TTC23L: variants seen among roughly 807,000 people sequenced by gnomAD.
TTC23L encodes tetratricopeptide repeat protein 23-like.
TTC23L carries 42 observed loss-of-function variants against 48.1 expected under a neutral mutation model. That is an observed-to-expected ratio of 0.87 (90% confidence interval 0.68 to 1.13). The LOEUF (loss-of-function observed/expected upper bound fraction) is 1.13. Ranked by LOEUF, TTC23L falls within the 50% of genes most tolerant of loss-of-function variation. The pLI is 0.00. For synonymous variants in TTC23L, 159 were observed against 157.2 expected (o/e 1.01, Z -0.09); for missense variants, 391 against 421.0 (o/e 0.93, Z 0.62).
At chr5:34,868,831 A>T (rs932456532) in intron 7 of TTC23L, 74 bp from the exon 8 acceptor site, 4 of 1,317,748 alleles carry the variant, frequency 3.0e-6, no homozygotes, top group Non-Finnish European at 4.3e-6. Context: ...TGGGACTCAA[A>T]CTCACCTCTC....
Position 34,888,408 on chromosome 5 carries a change from G to T in TTC23L, c.1077+8100G>T, listed in dbSNP as rs567221374. On this transcript the variant is annotated intron_variant, in intron 9 of 10. Coordinates refer to ENST00000505624, the Ensembl canonical transcript of TTC23L. ...CCTGAGTTTGGTTTGCAGTTAAGGT[G>T]CTTGCTATCTGATTCTCTTTAACCT... The T allele has an allele frequency of 7.1e-5, 65 of 912,590 alleles. 1 individual carries two copies. The South Asian group carries it at 3.1e-3, about 43-fold the overall frequency. 56.5% of individuals were successfully genotyped at this position (912,590 alleles called of 1,614,324 possible).
At chr5:34,848,274 C>T (rs1217812652) in intron 3 of TTC23L, among the ~76,000 whole-genome samples, 3 of 152,160 alleles carry the variant, frequency 2.0e-5, no homozygotes, top group African/African-American at 4.8e-5. Flanking sequence ...AAATATATGA[C>T]TTGAAGATAC....
the TTC23L span, chr5:34,905,943 A>G: frequency 2.0e-5 from 3 of 152,024 alleles, no homozygotes; most frequent in African/African-American, 7.2e-5. Flanking sequence ...AGCTAAAACA[A>G]TAATTTTTAT....
At chr5:34,890,808 T>C (rs1762823931) in intron 9 of TTC23L, among the ~76,000 whole-genome samples, 1 of 152,098 alleles carries the variant, frequency 6.6e-6, no homozygotes, top group Non-Finnish European at 1.5e-5. Context: ...GGTCTTTCTG[T>C]GTTGCCCGGG....
At chr5:34,913,755 A>G in the TTC23L span, 8 of 576,094 alleles carry the variant, frequency 1.4e-5, no homozygotes, top group Non-Finnish European at 2.2e-5. Context: ...CCTTATCTCC[A>G]TTCCTGGATC....
chr5:34,901,062 G>A (rs1306995248), downstream of TTC23L, among the ~76,000 whole-genome samples: 1 of 152,104 alleles, frequency 6.6e-6, no homozygotes, highest in Non-Finnish European at 1.5e-5. Flanking sequence ...TGTAAATTTT[G>A]AGAAAATTTA....
intron 8 of TTC23L, among the ~76,000 whole-genome samples, chr5:34,879,550 A>G (rs777071915): frequency 1.3e-5 from 2 of 152,246 alleles, no homozygotes; most frequent in Non-Finnish European, 2.9e-5. Context: ...AGCTAAAAAT[A>G]TAGTCTTGCA....
At chr5:34,857,717 T>C (rs1028390222) in intron 4 of TTC23L, among the ~76,000 whole-genome samples, 1 of 152,224 alleles carries the variant, frequency 6.6e-6, no homozygotes, top group Non-Finnish European at 1.5e-5. Flanking sequence ...TTTTTTTATA[T>C]TAAATTAATC....
At chr5:34,910,526 C>T in the TTC23L span, among the ~76,000 whole-genome samples, 1 of 151,802 alleles carries the variant, frequency 6.6e-6, no homozygotes, top group East Asian at 1.9e-4. Context: ...TTCCTGGGTT[C>T]AAGTGATTCT....
At chr5:34,840,709 A>G in exon 2 of TTC23L, 2 of 1,613,990 alleles carry the variant, frequency 1.2e-6, no homozygotes, top group Middle Eastern at 1.6e-4. Flanking sequence ...ACTGTTAGCA[A>G]TGACATCGAC....
chr5:34,862,967 C>T lies in TTC23L; in HGVS notation c.449C>T (p.Thr150Met), dbSNP rs34566695. ...ACACTGTTGACCTGGAAGGCAAATA[C>T]GACCTCAAATAAGGAGAAAGAGGAA... The change falls in exon 5 of 11, where the codon ACG (threonine) becomes ATG (methionine). Residue 150 changes from threonine to methionine, a missense_variant. Physicochemically the swap from Thr to Met is moderately conservative, Grantham distance 81. Coordinates refer to ENST00000505624, the Ensembl canonical transcript of TTC23L. 4,661 of 1,613,846 alleles carry T rather than the reference C, an allele frequency of 2.9e-3. 120 individuals are homozygous for T. In the African/African-American group the frequency reaches 0.056, roughly 19 times the overall value.
chr5:34,896,830 A>C, exon 10 of TTC23L: 2 of 742,574 alleles, frequency 2.7e-6, no homozygotes, highest in South Asian at 2.9e-5. Context: ...GGAACTCTAC[A>C]TACAAAGGCA....
chr5:34,923,313 C>A, the TTC23L span: 2 of 1,180,812 alleles, frequency 1.7e-6, no homozygotes, highest in Non-Finnish European at 2.5e-6. Context: ...GAGTCTCGCT[C>A]TTGTTGCCCA....
chr5:34,896,763 C>A lies in TTC23L; in HGVS notation c.1078-7C>A. ...AGAGAGGGTGACATTTGAGCCATTTCTTAAAGGACAAGTAGCAGTTCATCC... is the reference window on the plus strand; with the variant it reads ...AGAGAGGGTGACATTTGAGCCATTTATTAAAGGACAAGTAGCAGTTCATCC... On this transcript the variant is annotated splice_polypyrimidine_tract_variant and splice_region_variant and intron_variant, in intron 9 of 10. Transcript: ENST00000505624. The A allele has an allele frequency of 1.3e-6, 1 of 769,438 alleles. No homozygotes were observed. Among genetic ancestry groups the A allele is most frequent in the Non-Finnish European group, 2.4e-6 (1 of 412,718 alleles). The allele number at this position is 769,438 out of a possible 1,614,324, so 47.7% of individuals were successfully genotyped here. A position where few individuals can be genotyped will look rare whatever the true frequency, so the allele number is the denominator to read the frequency against.
At chr5:34,902,991 T>C (rs541051279), downstream of TTC23L, among the ~76,000 whole-genome samples, 90 of 149,428 alleles carry the variant, frequency 6.0e-4, 1 homozygote, top group African/African-American at 2.1e-3. Context: ...CAGAAAGAAA[T>C]GGCCATTCAG....
the TTC23L span, among the ~76,000 whole-genome samples, chr5:34,904,978 T>C: frequency 1.3e-5 from 2 of 152,254 alleles, no homozygotes; most frequent in Admixed American, 6.5e-5. Context: ...CAACAAGCTA[T>C]GAATTTCAAA....
At chr5:34,843,953 GAAACAACAATAAAAAAATC>G (rs1462834781) in intron 2 of TTC23L, among the ~76,000 whole-genome samples, 3 of 151,982 alleles carry the variant, frequency 2.0e-5, no homozygotes, top group Admixed American at 6.6e-5. Flanking sequence ...ACAAACCAAA[GAAACAACAATAAAAAAATC>G]AAACAACAAT....
the TTC23L span, chr5:34,925,498 C>T: frequency 8.1e-6 from 13 of 1,599,420 alleles, no homozygotes; most frequent in Non-Finnish European, 9.4e-6. Context: ...CAAAATAAGT[C>T]AATGGAAACC....
At chr5:34,915,804 C>G in the TTC23L span, 5 of 1,587,444 alleles carry the variant, frequency 3.1e-6, no homozygotes, top group Non-Finnish European at 4.3e-6. Context: ...CAAAAAGAAA[C>G]GAAATAGATG....
Sources: gnomAD v4.1 joint callset for allele counts (sites outside exome capture counted in the v4.1 genomes callset) on GRCh38, gnomAD v4.1.1 for gene constraint, MANE v1.5 for transcripts, NCBI Gene and HGNC (gene_info 2026-07-23, HGNC 2026-07-21) for gene names.